ZFHX3: variants seen among roughly 807,000 people sequenced by gnomAD.
ZFHX3 encodes zinc finger homeobox 3.
In ZFHX3, 42 loss-of-function variants were observed where a neutral mutation model predicts 279.1. The observed-to-expected ratio is 0.15, with a 90% CI of 0.12 to 0.19. The LOEUF (loss-of-function observed/expected upper bound fraction) is 0.19. ZFHX3 is among the 10% of genes least tolerant of loss of function. The probability of loss-of-function intolerance (pLI) is 1.00; values close to 1 mark genes in which losing one functional copy is unlikely to be tolerated. For missense variants in ZFHX3, 4,981 were observed against 4,754.0 expected, an observed-to-expected ratio of 1.05 and a Z score of -1.40; for synonymous variants, 2,293 against 1,957.8, an observed-to-expected ratio of 1.17 and a Z score of -4.52.
intron 2 of ZFHX3, among the ~76,000 whole-genome samples, chr16:73,607,793 C>T (rs1564436): frequency 0.55 from 83,939 of 152,054 alleles, 26,518 homozygotes; most frequent in East Asian, 0.81. Flanking sequence ...AGGTCCTGTG[C>T]GGTGGCTCAT....
At chr16:73,771,452 A>C (rs2054016878) in intron 1 of ZFHX3, among the ~76,000 whole-genome samples, 1 of 152,222 alleles carries the variant, frequency 6.6e-6, no homozygotes, top group South Asian at 2.1e-4. Context: ...TGAAACTTCT[A>C]AACTCAGTGC....
chr16:73,103,071 C>T (rs1410352919), intron 7 of ZFHX3, among the ~76,000 whole-genome samples: 1 of 152,094 alleles, frequency 6.6e-6, no homozygotes, highest in Non-Finnish European at 1.5e-5. Context: ...ATTACAGGCA[C>T]CTGCTACCAA....
At chr16:73,181,045 G>A (rs1967780446) in intron 5 of ZFHX3, among the ~76,000 whole-genome samples, 1 of 152,046 alleles carries the variant, frequency 6.6e-6, no homozygotes, top group African/African-American at 2.4e-5. Flanking sequence ...TGTAGGCAGG[G>A]CTTTGGAAGC....
intron 1 of ZFHX3, among the ~76,000 whole-genome samples, chr16:73,769,098 G>C (rs1031151627): frequency 3.9e-5 from 6 of 152,126 alleles, no homozygotes; most frequent in Non-Finnish European, 8.8e-5. Flanking sequence ...TTTACTTGCT[G>C]AATCTGGCAA....
chr16:73,819,164 T>C (rs1482982159), intron 1 of ZFHX3, among the ~76,000 whole-genome samples: 1 of 151,994 alleles, frequency 6.6e-6, no homozygotes. Context: ...CTTTTAATAG[T>C]GTAGCCTGGG....
chr16:72,816,662 T>C (rs1257895544), intron 5 of ZFHX3, among the ~76,000 whole-genome samples: 1 of 152,214 alleles, frequency 6.6e-6, no homozygotes, highest in African/African-American at 2.4e-5. Flanking sequence ...GTCAGCTCTC[T>C]GGGCCAACAG....
intron 4 of ZFHX3, among the ~76,000 whole-genome samples, chr16:72,866,929 C>G (rs2038037500): frequency 6.6e-6 from 1 of 152,178 alleles, no homozygotes; most frequent in African/African-American, 2.4e-5. Flanking sequence ...CAGGAAATAT[C>G]CAGATTCCCT....
intron 3 of ZFHX3, among the ~76,000 whole-genome samples, chr16:73,439,909 C>CAAAA (rs71156164): frequency 2.5e-4 from 19 of 75,436 alleles, no homozygotes; most frequent in East Asian, 8.5e-4. Flanking sequence ...GGGAGAGGGA[C>CAAAA]AAAAAAAAAA....
At chr16:73,820,899 T>A (rs1363582256) in intron 1 of ZFHX3, among the ~76,000 whole-genome samples, 1 of 151,840 alleles carries the variant, frequency 6.6e-6, no homozygotes, top group Non-Finnish European at 1.5e-5. Context: ...TCAAAGGGAA[T>A]TAACAGACAT....
chr16:73,660,300 T>C (rs748509416), intron 2 of ZFHX3, among the ~76,000 whole-genome samples: 1 of 152,222 alleles, frequency 6.6e-6, no homozygotes, highest in Non-Finnish European at 1.5e-5. Context: ...ACTTTTAAAG[T>C]CAGCATTTAA....
chr16:73,387,966 G>C (rs1047987039), intron 3 of ZFHX3, among the ~76,000 whole-genome samples: 5 of 151,950 alleles, frequency 3.3e-5, no homozygotes, highest in African/African-American at 1.2e-4. Context: ...GCTGAAGATG[G>C]AGAGAATGAG....
At chr16:72,863,637 T>C (rs942186437) in intron 4 of ZFHX3, among the ~76,000 whole-genome samples, 1 of 152,058 alleles carries the variant, frequency 6.6e-6, no homozygotes, top group Non-Finnish European at 1.5e-5. Context: ...GGGTAGTGTA[T>C]AGATGAAACA....
chr16:73,001,016 A>G (rs1963477058), intron 1 of ZFHX3, among the ~76,000 whole-genome samples: 1 of 152,234 alleles, frequency 6.6e-6, no homozygotes, highest in Non-Finnish European at 1.5e-5. Context: ...ACCCTTGTGT[A>G]GTCCCCTCCC....
chr16:72,957,450 A>G lies in ZFHX3; in HGVS notation c.2696T>C (p.Met899Thr), dbSNP rs1961303410. The change falls in exon 2 of 10, where the codon ATG (methionine) becomes ACG (threonine). Residue 899 changes from methionine (M) to threonine (T), a missense_variant. Physicochemically the swap from Met to Thr is moderately conservative, Grantham distance 81 (BLOSUM62 -1). This residue lies in a region of ZFHX3 where 1,751 missense variants were observed against 1,770.0 expected (regional missense o/e 0.99). Coordinates refer to ENST00000268489, the MANE Select transcript of ZFHX3 (RefSeq NM_006885.4). ...ACCTAGAGCAGGCGTCATGGCGGCC[A>G]TGGGCCCGGCGGGATCCAGCTGGAA... ...SGFQLDPAGPMAAMTPALVGG... is the reference protein window; with the variant it reads ...SGFQLDPAGPTAAMTPALVGG... 1 of 1,611,456 alleles carries G rather than the reference A, an allele frequency of 6.2e-7. No homozygotes were observed. The highest frequency in any genetic ancestry group is 8.5e-7 in the Non-Finnish European group (1 of 1,178,460).
intron 3 of ZFHX3, among the ~76,000 whole-genome samples, chr16:73,408,049 G>T (rs2017396666): frequency 6.6e-6 from 1 of 151,616 alleles, no homozygotes; most frequent in Middle Eastern, 3.4e-3. Context: ...GGGGTGAGCT[G>T]CAGGAGTGGA....
At chr16:72,818,440 C>T (rs955966100) in intron 5 of ZFHX3, among the ~76,000 whole-genome samples, 14 of 152,248 alleles carry the variant, frequency 9.2e-5, no homozygotes, top group African/African-American at 3.1e-4. Flanking sequence ...TGATAAGTGG[C>T]CAAAGATCTA....
At chr16:73,447,647 C>T (rs1287904816) in intron 3 of ZFHX3, among the ~76,000 whole-genome samples, 1 of 152,138 alleles carries the variant, frequency 6.6e-6, no homozygotes, top group African/African-American at 2.4e-5. Context: ...CAACTCTTCC[C>T]ACTAAAGACC....
At chr16:73,221,943 T>C (rs1301999792) in intron 5 of ZFHX3, among the ~76,000 whole-genome samples, 1 of 152,174 alleles carries the variant, frequency 6.6e-6, no homozygotes, top group Admixed American at 6.5e-5. Flanking sequence ...CCATATTTTA[T>C]TTAATAAAGT....
intron 7 of ZFHX3, among the ~76,000 whole-genome samples, chr16:72,811,125 T>TC (rs2036431824): frequency 6.6e-6 from 1 of 151,880 alleles, no homozygotes; most frequent in Admixed American, 6.6e-5. Context: ...CCTCAAGCAA[T>TC]CCCCCCACCA....
Sources: allele counts gnomAD v4.1 joint callset (sites outside exome capture counted in the v4.1 genomes callset), GRCh38; gene constraint gnomAD v4.1.1; regional missense constraint gnomAD v4.1.1; transcripts MANE v1.5; gene names NCBI Gene and HGNC (gene_info 2026-07-23, HGNC 2026-07-21).